Variants in DSCAM observed in about 807,000 individuals in gnomAD.
DSCAM encodes cell adhesion molecule DSCAM.
Under a neutral mutation model 217.7 loss-of-function variants are expected in DSCAM, and 47 were observed. The observed-to-expected ratio is 0.22, with a 90% confidence interval of 0.17 to 0.28. The LOEUF (loss-of-function observed/expected upper bound fraction) is 0.28. DSCAM is among the 10% of genes least tolerant of loss of function. The probability of loss-of-function intolerance (pLI) is 1.00; values close to 1 mark genes in which losing one functional copy is unlikely to be tolerated. For synonymous variants in DSCAM, 1,056 were observed against 1,015.3 expected, an observed-to-expected ratio of 1.04 and a Z score of -0.76; for missense variants, 2,080 against 2,618.3, an observed-to-expected ratio of 0.79 and a Z score of 4.49.
At chr21:40,364,760 A>G (rs1196551643) in intron 4 of DSCAM, among the ~76,000 whole-genome samples, 3 of 130,956 alleles carry the variant, frequency 2.3e-5, no homozygotes, top group Non-Finnish European at 4.6e-5. Flanking sequence ...TAGTATATAT[A>G]CATATATATA....
At chr21:40,252,037 C>T (rs919139647) in intron 11 of DSCAM, among the ~76,000 whole-genome samples, 1 of 152,084 alleles carries the variant, frequency 6.6e-6, no homozygotes, top group African/African-American at 2.4e-5. Flanking sequence ...CCACTTGAGC[C>T]TTCAGATGAG....
At position 40,042,570 on chromosome 21, in the gene DSCAM, G is replaced by C; in HGVS notation, c.5487C>G (p.His1829Gln). 3.7e-6 allele frequency: 6 copies of C among 1,614,174 alleles called. No individual in the cohort carries two copies. Among genetic ancestry groups the C allele is most frequent in the Non-Finnish European group, 5.1e-6 (6 of 1,180,044 alleles). ...EHAKMEEQLR[H>Q]AKFTITECFI... ...AGCACTCCGTGATGGTGAACTTGGC[G>C]TGCCTCAGTTGCTCTTCCATCTTGG... is the stretch of plus-strand genomic sequence containing the variant. Residue 1829 changes from histidine (H) to glutamine (Q), a missense_variant, in exon 32 of 33, where the codon CAC becomes CAG. This residue lies in a region of DSCAM where 1,144 missense variants were observed against 1,421.1 expected (regional missense o/e 0.81). Coordinates refer to ENST00000400454, the MANE Select transcript of DSCAM (RefSeq NM_001389.5).
At chr21:40,120,523 C>T (rs771978419) in intron 20 of DSCAM, among the ~76,000 whole-genome samples, 3 of 152,152 alleles carry the variant, frequency 2.0e-5, no homozygotes, top group South Asian at 4.2e-4. Flanking sequence ...GGTTATCTCA[C>T]GTCTTTGGAT....
At chr21:40,470,116 C>T (rs1052262343) in intron 3 of DSCAM, among the ~76,000 whole-genome samples, 3 of 152,106 alleles carry the variant, frequency 2.0e-5, no homozygotes, top group African/African-American at 4.8e-5. Context: ...ACCACAATGA[C>T]GTAAGTCATG....
rs180713420 is a variant in DSCAM at position 40,829,168 on chromosome 21, G to A, written c.43+17451C>T. ...GGAGGCAATAAAAACAGGAGTGGAC[G>A]CTGATCACATGAAAAATTGAGTGTG... On this transcript the variant is annotated intron_variant, in intron 1 of 32. Transcript: ENST00000400454. 1.7e-3 allele frequency among the ~76,000 whole-genome samples: 259 copies of A among 152,312 alleles called. 1 individual carries two copies. The highest frequency in any genetic ancestry group is 6.1e-3 in the African/African-American group (254 of 41,576).
At chr21:40,565,997 T>C (rs61336625) in intron 3 of DSCAM, among the ~76,000 whole-genome samples, 4,121 of 152,224 alleles carry the variant, frequency 0.027, 164 homozygotes, top group African/African-American at 0.094. Context: ...TAAAGATAAC[T>C]AAAACATGAC....
At chr21:40,647,106 C>T (rs1361472231) in intron 3 of DSCAM, among the ~76,000 whole-genome samples, 2 of 152,154 alleles carry the variant, frequency 1.3e-5, no homozygotes, top group Non-Finnish European at 2.9e-5. Context: ...TTTTTCAGTC[C>T]TATTATCATC....
chr21:40,233,114 C>T (rs997343568), intron 11 of DSCAM, among the ~76,000 whole-genome samples: 1 of 152,026 alleles, frequency 6.6e-6, no homozygotes, highest in African/African-American at 2.4e-5. Flanking sequence ...AATCTGTACA[C>T]CAAACCCCCG....
At chr21:40,579,870 C>G (rs531571302) in intron 3 of DSCAM, among the ~76,000 whole-genome samples, 1 of 152,086 alleles carries the variant, frequency 6.6e-6, no homozygotes, top group East Asian at 1.9e-4. Context: ...AAGAGGGTGT[C>G]ACACTCACAT....
rs139104159 is a variant in DSCAM at position 40,696,614 on chromosome 21, G to A, written c.362-3658C>T. 1.6e-3 allele frequency among the ~76,000 whole-genome samples: 236 copies of A among 152,226 alleles called. 1 individual carries two copies. The highest frequency in any genetic ancestry group is 6.8e-3 in the Middle Eastern group (2 of 294). On this transcript the variant is annotated intron_variant, in intron 2 of 32. Transcript: ENST00000400454. The stretch of plus-strand genomic sequence containing the variant: ...CAGGTTCATGTTCTTAGCAACCAGC[G>A]CGCAGATCTTGGGGGATCTGATTCA...
At chr21:40,764,745 A>G (rs1376431406) in intron 1 of DSCAM, among the ~76,000 whole-genome samples, 3 of 152,340 alleles carry the variant, frequency 2.0e-5, no homozygotes, top group African/African-American at 7.2e-5. Flanking sequence ...TATGGCACAT[A>G]TACACCATGG....
chr21:40,532,656 T>C (rs2076456632), intron 3 of DSCAM, among the ~76,000 whole-genome samples: 1 of 152,064 alleles, frequency 6.6e-6, no homozygotes, highest in African/African-American at 2.4e-5. Flanking sequence ...GATGGGGGCA[T>C]GCTGCTGATA....
At chr21:40,225,752 G>A (rs1212119602) in intron 11 of DSCAM, among the ~76,000 whole-genome samples, 1 of 152,088 alleles carries the variant, frequency 6.6e-6, no homozygotes, top group African/African-American at 2.4e-5. Context: ...AGAACACAAA[G>A]GTAACAATAC....
chr21:40,563,554 T>C lies in DSCAM; in HGVS notation c.508+129256A>G, dbSNP rs1416955381. 2.4e-5 allele frequency among the ~76,000 whole-genome samples: 3 copies of C among 123,616 alleles called. No individual in the cohort carries two copies. The East Asian group carries it at 7.7e-4, about 32-fold the overall frequency. The allele number at this position is 123,616 out of a possible 152,430, so 81.1% of individuals were successfully genotyped here. A position where few individuals can be genotyped will look rare whatever the true frequency, so the allele number is the denominator to read the frequency against. On this transcript the variant is annotated intron_variant, in intron 3 of 32. Transcript: ENST00000400454. Reference sequence around the variant, plus strand: ...TTGTTTATAGTTATATGTTTATATATGTTTATATGTTTATATATAGTTATA... The same window carrying C: ...TTGTTTATAGTTATATGTTTATATACGTTTATATGTTTATATATAGTTATA...
At chr21:40,265,912 G>T (rs575337104) in intron 11 of DSCAM, among the ~76,000 whole-genome samples, 1 of 152,210 alleles carries the variant, frequency 6.6e-6, no homozygotes, top group South Asian at 2.1e-4. Flanking sequence ...AATTCTAGAA[G>T]AATCCCTAGG....
intron 3 of DSCAM, among the ~76,000 whole-genome samples, chr21:40,642,628 G>A (rs1447491088): frequency 1.3e-5 from 2 of 152,052 alleles, no homozygotes; most frequent in Non-Finnish European, 2.9e-5. Flanking sequence ...TTTCATCCAG[G>A]CTTGAGTGCA....
At chr21:40,500,781 ACT>A (rs1332473332) in intron 3 of DSCAM, among the ~76,000 whole-genome samples, 3 of 151,996 alleles carry the variant, frequency 2.0e-5, no homozygotes, top group African/African-American at 4.8e-5. Context: ...AACAAAATCA[ACT>A]CTCTAACGAT....
chr21:40,360,163 G>T (rs71316158), intron 4 of DSCAM, among the ~76,000 whole-genome samples: 2 of 127,780 alleles, frequency 1.6e-5, no homozygotes, highest in African/African-American at 3.1e-5. Context: ...ACAGAGTCTC[G>T]CTCAGTTGCC....
At chr21:40,594,146 C>A (rs1318178590) in intron 3 of DSCAM, among the ~76,000 whole-genome samples, 1 of 152,106 alleles carries the variant, frequency 6.6e-6, no homozygotes, top group Admixed American at 6.6e-5. Flanking sequence ...TAGGAAGATG[C>A]CCCTACCTCA....
Sources: gnomAD v4.1 joint callset for allele counts (sites outside exome capture counted in the v4.1 genomes callset) on GRCh38, gnomAD v4.1.1 for gene constraint, gnomAD v4.1.1 regional missense constraint, MANE v1.5 for transcripts, NCBI Gene and HGNC (gene_info 2026-07-23, HGNC 2026-07-21) for gene names.